Variants in ANGPT2 observed in about 807,000 individuals in gnomAD.
The protein encoded by ANGPT2 is angiopoietin 2.
In ANGPT2, 28 loss-of-function variants were observed where a neutral mutation model predicts 62.9. The observed-to-expected ratio is 0.44, with a 90% CI of 0.33 to 0.61. ANGPT2 has a LOEUF of 0.61. ANGPT2 is among the 20% of genes least tolerant of loss of function. The probability of loss-of-function intolerance (pLI) is 0.03; values close to 1 mark genes in which losing one functional copy is unlikely to be tolerated. For missense variants in ANGPT2, 727 were observed against 594.9 expected (o/e 1.22, Z -2.31); for synonymous variants, 284 against 207.8 (o/e 1.37, Z -3.15).
At chr8:6,526,018 G>C (rs1818256694) in intron 3 of ANGPT2, among the ~76,000 whole-genome samples, 1 of 152,116 alleles carries the variant, frequency 6.6e-6, no homozygotes, top group Admixed American at 6.5e-5. Flanking sequence ...TCCTAGGTTT[G>C]TCACGGACAT....
Position 6,527,629 on chromosome 8 carries a change from G to A in ANGPT2, c.492C>T (p.Ser164=), listed in dbSNP as rs144373407. The A allele has an allele frequency of 3.0e-4, 483 of 1,613,844 alleles. No individual in the cohort carries two copies. The African/African-American group carries it at 5.9e-3, about 20-fold the overall frequency. Residue 164 remains serine (S), a synonymous_variant, in exon 3 of 9, where the codon TCC becomes TCT. Coordinates refer to ENST00000629816, the MANE Select transcript of ANGPT2 (RefSeq NM_001118887.2). ...GTTTTTCCAATTTGTTTGTCGAGAG[G>A]GAGTGTTCCAAGAGCTGAAGTTCAA... is the stretch of plus-strand genomic sequence containing the variant. ...TRLELQLLEH[S]LSTNKLEKQI... is the part of the protein sequence containing the mutation.
At chr8:6,540,843 G>A (rs2922872) in intron 1 of ANGPT2, among the ~76,000 whole-genome samples, 28,788 of 152,282 alleles carry the variant, frequency 0.19, 2,998 homozygotes, top group African/African-American at 0.28. Context: ...AGGGTGGTTC[G>A]CACACGTGGA....
chr8:6,545,505 T>C (rs1236078149), intron 1 of ANGPT2, among the ~76,000 whole-genome samples: 1 of 152,228 alleles, frequency 6.6e-6, no homozygotes, highest in Non-Finnish European at 1.5e-5. Flanking sequence ...GAAATGAACT[T>C]TGGAAAAGTA....
At chr8:6,560,668 A>T (rs1825391330) in intron 1 of ANGPT2, among the ~76,000 whole-genome samples, 1 of 152,224 alleles carries the variant, frequency 6.6e-6, no homozygotes, top group Admixed American at 6.5e-5. Context: ...TTGAAATACC[A>T]TTGTGCTACT....
chr8:6,505,606 ATATT>A (rs1411007242), intron 8 of ANGPT2, among the ~76,000 whole-genome samples: 18 of 127,454 alleles, frequency 1.4e-4, no homozygotes, highest in East Asian at 6.7e-4. Context: ...TGGAATATAT[ATATT>A]CTTTATATAT....
In ANGPT2 at chr8:6,519,948, T is replaced by C. The variant is rs758115390; in HGVS notation, c.843A>G (p.Arg281=). ...TVAKEEQISF[R]DCAEVFKSGH... Reference sequence around the variant, plus strand: ...CTGATTTGAATACTTCAGCACAGTCTCTGAAGCTGATTTGTTCTTCTTTAG... The same window carrying C: ...CTGATTTGAATACTTCAGCACAGTCCCTGAAGCTGATTTGTTCTTCTTTAG... The change falls in exon 5 of 9, where the codon AGA becomes AGG. Residue 281 remains arginine (R), a synonymous_variant. Coordinates refer to ENST00000629816, the MANE Select transcript of ANGPT2 (RefSeq NM_001118887.2). 1 of 1,614,102 alleles carries C rather than the reference T, an allele frequency of 6.2e-7. No individual in the cohort carries two copies. The highest frequency in any genetic ancestry group is 2.2e-5 in the East Asian group (1 of 44,886).
intron 7 of ANGPT2, among the ~76,000 whole-genome samples, chr8:6,510,158 C>CTTTTTT (rs11395431): frequency 6.8e-6 from 1 of 146,604 alleles, no homozygotes. Flanking sequence ...GTTGTTTTTT[C>CTTTTTT]TTTTTTTTTT....
At chr8:6,539,374 G>A (rs532521028) in intron 1 of ANGPT2, among the ~76,000 whole-genome samples, 168 of 152,264 alleles carry the variant, frequency 1.1e-3, no homozygotes, top group African/African-American at 4.0e-3. Flanking sequence ...TTCAGTGTAA[G>A]GCCCTAGAAG....
chr8:6,541,318 T>C (rs1294557554), intron 1 of ANGPT2, among the ~76,000 whole-genome samples: 1 of 152,078 alleles, frequency 6.6e-6, no homozygotes, highest in Non-Finnish European at 1.5e-5. Flanking sequence ...CCCCAGGCTG[T>C]GGGCAGTGGC....
At chr8:6,517,344 C>T (rs978217124) in intron 5 of ANGPT2, among the ~76,000 whole-genome samples, 2 of 152,144 alleles carry the variant, frequency 1.3e-5, no homozygotes, top group Admixed American at 1.3e-4. Context: ...GATTAAGTGA[C>T]GGGTTAAATA....
intron 1 of ANGPT2, among the ~76,000 whole-genome samples, chr8:6,557,191 T>G (rs1188379012): frequency 6.6e-6 from 1 of 152,188 alleles, no homozygotes; most frequent in Non-Finnish European, 1.5e-5. Context: ...GGAGGGGATA[T>G]GCGTGCTTTC....
chr8:6,529,348 T>C (rs1819004286), intron 2 of ANGPT2, among the ~76,000 whole-genome samples: 1 of 152,244 alleles, frequency 6.6e-6, no homozygotes, highest in East Asian at 1.9e-4. Context: ...CAGATTTGAA[T>C]TTAAGTCTGT....
chr8:6,550,328 G>A (rs1823409365), intron 1 of ANGPT2, among the ~76,000 whole-genome samples: 1 of 152,160 alleles, frequency 6.6e-6, no homozygotes. Context: ...TGGGTCCTGG[G>A]AGTGAGGCAG....
Position 6,519,859 on chromosome 8 carries a change from C to T in ANGPT2, c.927+5G>A, listed in dbSNP as rs138224215. The stretch of plus-strand genomic sequence containing the variant: ...GGAGTTAGTAAGGGGAGACGAATAC[C>T]TCACCTTGATCTCTTCTGTAGAATT... On this transcript the variant is annotated splice_donor_5th_base_variant and intron_variant, in intron 5 of 8. Coordinates refer to ENST00000629816, the MANE Select transcript of ANGPT2 (RefSeq NM_001118887.2). 1 of 1,613,438 alleles carries T rather than the reference C, an allele frequency of 6.2e-7. No homozygotes were observed. Among genetic ancestry groups the T allele is most frequent in the Non-Finnish European group, 8.5e-7 (1 of 1,179,704 alleles).
At chr8:6,538,007 T>C (rs1010371927) in intron 1 of ANGPT2, among the ~76,000 whole-genome samples, 4 of 152,230 alleles carry the variant, frequency 2.6e-5, no homozygotes. Flanking sequence ...AATTTTCTGG[T>C]AAATTAACAA....
At chr8:6,510,792 CT>C (rs1334121614) in intron 7 of ANGPT2, among the ~76,000 whole-genome samples, 1 of 152,170 alleles carries the variant, frequency 6.6e-6, no homozygotes, top group African/African-American at 2.4e-5. Context: ...ATGTGGAGTT[CT>C]GTAAGTGTTG....
chr8:6,550,231 G>A (rs1261472857), intron 1 of ANGPT2, among the ~76,000 whole-genome samples: 1 of 152,248 alleles, frequency 6.6e-6, no homozygotes, highest in Non-Finnish European at 1.5e-5. Context: ...AGGTGGCTGC[G>A]AAGGGTGGCG....
rs1814277262 is a variant in ANGPT2 at position 6,508,618 on chromosome 8, A to G, written c.1327+314T>C. 21 of 489,290 alleles carry G rather than the reference A, an allele frequency of 4.3e-5. 1 individual carries two copies. In the South Asian group the frequency reaches 8.7e-4, roughly 20 times the overall value. 30.3% of individuals were successfully genotyped at this position (489,290 alleles called of 1,614,324 possible). On this transcript the variant is annotated intron_variant, in intron 8 of 8. Coordinates refer to ENST00000629816, the MANE Select transcript of ANGPT2 (RefSeq NM_001118887.2). The stretch of plus-strand genomic sequence containing the variant: ...TTTACATAAAGCAAAATGTAATTAA[A>G]CCATCTCTCTAGTATCCAGCAAGCA...
intron 1 of ANGPT2, among the ~76,000 whole-genome samples, chr8:6,549,650 C>T (rs866165945): frequency 2.1e-5 from 3 of 143,280 alleles, no homozygotes; most frequent in African/African-American, 8.0e-5. Flanking sequence ...CAAAGAGGGG[C>T]GTGAGGGAGC....
Sources: gnomAD v4.1 joint callset for allele counts (sites outside exome capture counted in the v4.1 genomes callset) on GRCh38, gnomAD v4.1.1 for gene constraint, MANE v1.5 for transcripts, NCBI Gene and HGNC (gene_info 2026-07-23, HGNC 2026-07-21) for gene names.